Variants in TENM3 observed in about 807,000 individuals in gnomAD.
TENM3 encodes teneurin transmembrane protein 3.
A neutral mutation model predicts 255.1 loss-of-function variants in TENM3; 63 were observed. The observed-to-expected ratio is 0.25, with a 90% confidence interval of 0.20 to 0.30. TENM3 has a LOEUF of 0.30. Ranked by LOEUF, TENM3 falls within the 10% of genes least tolerant of loss-of-function variation. The pLI is 1.00. For missense variants in TENM3, 2,929 were observed against 3,461.1 expected, an observed-to-expected ratio of 0.85 and a Z score of 3.86; for synonymous variants, 1,306 against 1,322.3, an observed-to-expected ratio of 0.99 and a Z score of 0.27.
At chr4:182,405,736 T>G (rs1360484426) in intron 3 of TENM3, among the ~76,000 whole-genome samples, 1 of 152,132 alleles carries the variant, frequency 6.6e-6, no homozygotes, top group Non-Finnish European at 1.5e-5. Flanking sequence ...AGAGTTGCGC[T>G]AGGCATTGAA....
the TENM3 span, among the ~76,000 whole-genome samples, chr4:181,703,079 G>C: frequency 6.6e-6 from 1 of 152,200 alleles, no homozygotes; most frequent in African/African-American, 2.4e-5. Flanking sequence ...TCAGTATCTT[G>C]ATGAGGATCA....
chr4:181,476,223 T>TTTC, the TENM3 span, among the ~76,000 whole-genome samples: 1 of 150,070 alleles, frequency 6.7e-6, no homozygotes, highest in Non-Finnish European at 1.5e-5. Context: ...TTTTTTTTTT[T>TTTC]TGACATTGAT....
the TENM3 span, chr4:181,877,111 G>A: frequency 6.6e-6 from 1 of 152,056 alleles, no homozygotes; most frequent in Non-Finnish European, 1.5e-5. Context: ...TGCCTTCCAG[G>A]AGTTTGTGAT....
intron 3 of TENM3, among the ~76,000 whole-genome samples, chr4:182,501,100 A>G (rs1736269850): frequency 6.6e-6 from 1 of 152,164 alleles, no homozygotes; most frequent in Non-Finnish European, 1.5e-5. Flanking sequence ...AGCATTGGTC[A>G]TCGAATGATT....
intron 3 of TENM3, among the ~76,000 whole-genome samples, chr4:182,541,920 A>C (rs1740919693): frequency 6.6e-6 from 1 of 151,764 alleles, no homozygotes; most frequent in African/African-American, 2.4e-5. Context: ...AAAATTAGCG[A>C]GGCGTAGTGG....
chr4:182,573,233 C>T (rs13112467), intron 3 of TENM3, among the ~76,000 whole-genome samples: 12,311 of 152,006 alleles, frequency 0.081, 621 homozygotes, highest in South Asian at 0.12. Context: ...TAGGACTTAC[C>T]GAATAATAAC....
the TENM3 span, among the ~76,000 whole-genome samples, chr4:182,033,576 G>A: frequency 6.6e-6 from 1 of 152,132 alleles, no homozygotes; most frequent in Non-Finnish European, 1.5e-5. Context: ...CTGAGTTCAA[G>A]TCTTGAATAT....
At position 182,803,011 on chromosome 4, in the gene TENM3, G is replaced by T. The variant is rs1409297546; in HGVS notation, c.*2660G>T. The T allele has an allele frequency of 6.6e-6, 1 of 152,510 alleles. No homozygotes were observed. Among genetic ancestry groups the T allele is most frequent in the African/African-American group, 2.4e-5 (1 of 41,404 alleles). The allele number at this position is 152,510 out of a possible 1,614,324, so 9.4% of individuals were successfully genotyped here. On this transcript the variant is annotated 3_prime_UTR_variant, in exon 28 of 28. Coordinates refer to ENST00000511685, the MANE Select transcript of TENM3 (RefSeq NM_001080477.4). The stretch of plus-strand genomic sequence containing the variant: ...ATTGCACCTAGGCATTCCAATAAAA[G>T]CCAACCCAATGTGTGTGTGTTTTTA...
At chr4:181,651,529 A>T in the TENM3 span, among the ~76,000 whole-genome samples, 975 of 152,084 alleles carry the variant, frequency 6.4e-3, 15 homozygotes, top group African/African-American at 0.022. Flanking sequence ...CTGAGGTTGC[A>T]GTGAGCTGAG....
chr4:182,377,790 A>G (rs1292981373), intron 3 of TENM3, among the ~76,000 whole-genome samples: 1 of 152,194 alleles, frequency 6.6e-6, no homozygotes, highest in Non-Finnish European at 1.5e-5. Context: ...GGAAAGCAAG[A>G]GAGCCTGGTG....
chr4:182,650,889 A>AAAAATATATATATATATATATAT, intron 5 of TENM3, among the ~76,000 whole-genome samples: 1 of 29,762 alleles, frequency 3.4e-5, no homozygotes, highest in East Asian at 7.8e-4. Flanking sequence ...AATAAAAAAA[A>AAAAATATATATATATATATATAT]ATATATATAT....
chr4:182,383,324 TG>T (rs1159030900), intron 3 of TENM3, among the ~76,000 whole-genome samples: 1 of 152,060 alleles, frequency 6.6e-6, no homozygotes, highest in African/African-American at 2.4e-5. Context: ...TTGCTAAATC[TG>T]GGCTATGTGG....
the TENM3 span, among the ~76,000 whole-genome samples, chr4:181,673,526 A>C: frequency 2.6e-5 from 4 of 152,168 alleles, no homozygotes; most frequent in South Asian, 6.2e-4. Context: ...ACAATATAAT[A>C]ACATGATATC....
At chr4:182,359,861 G>A (rs1161317121) in intron 3 of TENM3, among the ~76,000 whole-genome samples, 6 of 150,546 alleles carry the variant, frequency 4.0e-5, no homozygotes, top group Non-Finnish European at 3.0e-5. Context: ...GGCATTTAGT[G>A]CTATAAATTT....
intron 3 of TENM3, among the ~76,000 whole-genome samples, chr4:182,396,560 C>T (rs1280091821): frequency 6.6e-6 from 1 of 152,106 alleles, no homozygotes; most frequent in Non-Finnish European, 1.5e-5. Context: ...TAAATTATTT[C>T]AGATTGAGGT....
chr4:182,640,022 G>A (rs558027932), intron 5 of TENM3, among the ~76,000 whole-genome samples: 5 of 152,280 alleles, frequency 3.3e-5, no homozygotes, highest in Non-Finnish European at 5.9e-5. Context: ...CCCAGGAGGC[G>A]GAGGTTGCGG....
chr4:181,962,064 A>G, the TENM3 span, among the ~76,000 whole-genome samples: 3 of 152,368 alleles, frequency 2.0e-5, no homozygotes. Context: ...TATCATTTTT[A>G]TCATAACTGT....
At chr4:182,191,430 CCAGA>C (rs1753511408) in intron 1 of TENM3, among the ~76,000 whole-genome samples, 1 of 152,148 alleles carries the variant, frequency 6.6e-6, no homozygotes, top group South Asian at 2.1e-4. Context: ...CCCATGATTA[CCAGA>C]CAGTCTCAGA....
chr4:182,139,346 A>T (rs1208726411), upstream of TENM3, among the ~76,000 whole-genome samples: 1 of 152,192 alleles, frequency 6.6e-6, no homozygotes, highest in East Asian at 1.9e-4. Flanking sequence ...ACTTCTGGGA[A>T]ATAAAAAGAT....
Sources: allele counts gnomAD v4.1 joint callset (sites outside exome capture counted in the v4.1 genomes callset), GRCh38; gene constraint gnomAD v4.1.1; transcripts MANE v1.5; gene names NCBI Gene and HGNC (gene_info 2026-07-23, HGNC 2026-07-21).